Variants in EBF1 observed in about 807,000 individuals in gnomAD.
EBF1 encodes transcription factor COE1.
In EBF1, 10 loss-of-function variants were observed where a neutral mutation model predicts 68.4. That is an observed-to-expected ratio of 0.15 (90% CI 0.09 to 0.25). The LOEUF is 0.25. Among genes scored for constraint, EBF1 ranks in the 10% least tolerant of loss-of-function variants. The probability of loss-of-function intolerance (pLI) is 1.00; values close to 1 mark genes in which losing one functional copy is unlikely to be tolerated. For synonymous variants in EBF1, 298 were observed against 299.8 expected, an observed-to-expected ratio of 0.99 and a Z score of 0.06; for missense variants, 509 against 794.4, an observed-to-expected ratio of 0.64 and a Z score of 4.32.
intron 6 of EBF1, among the ~76,000 whole-genome samples, chr5:159,056,856 G>C (rs1206448191): frequency 1.3e-5 from 2 of 152,208 alleles, no homozygotes; most frequent in East Asian, 3.9e-4. Flanking sequence ...CTCATGGTAA[G>C]ACATCTGGAA....
At chr5:159,074,659 T>G (rs1045928411) in intron 5 of EBF1, among the ~76,000 whole-genome samples, 3 of 152,240 alleles carry the variant, frequency 2.0e-5, no homozygotes, top group Admixed American at 6.5e-5. Context: ...TTGGAAAGTC[T>G]CTTTTCTTGC....
chr5:158,763,447 C>T (rs191123210), intron 10 of EBF1, among the ~76,000 whole-genome samples: 13 of 152,324 alleles, frequency 8.5e-5, no homozygotes, highest in African/African-American at 3.1e-4. Context: ...ACTTCACCCA[C>T]AGTGAAAATG....
intron 6 of EBF1, among the ~76,000 whole-genome samples, chr5:159,021,247 T>C (rs746045000): frequency 6.6e-6 from 1 of 152,152 alleles, no homozygotes; most frequent in Non-Finnish European, 1.5e-5. Flanking sequence ...TAACACTTAA[T>C]AATGCTACCA....
chr5:158,785,734 A>G (rs1777297561), intron 9 of EBF1, among the ~76,000 whole-genome samples: 1 of 152,232 alleles, frequency 6.6e-6, no homozygotes, highest in South Asian at 2.1e-4. Flanking sequence ...GAGACTTTTG[A>G]AATTAAAGTC....
chr5:158,982,951 C>T (rs944307209), intron 6 of EBF1: 1 of 152,158 alleles, frequency 6.6e-6, no homozygotes, highest in Non-Finnish European at 1.5e-5. Flanking sequence ...TTTGTTACCT[C>T]ATAGGGCAAA....
chr5:158,701,853 A>G (rs1357566768), intron 15 of EBF1, among the ~76,000 whole-genome samples: 1 of 152,202 alleles, frequency 6.6e-6, no homozygotes, highest in Non-Finnish European at 1.5e-5. Flanking sequence ...TCATCAGCCG[A>G]CAGACTTCTC....
chr5:159,073,123 T>C (rs1007814601), intron 6 of EBF1, among the ~76,000 whole-genome samples: 1 of 152,196 alleles, frequency 6.6e-6, no homozygotes, highest in Non-Finnish European at 1.5e-5. Context: ...TGGCACAGCA[T>C]GAGGATTGAG....
chr5:158,714,908 T>C (rs1760297897), intron 11 of EBF1, among the ~76,000 whole-genome samples: 1 of 152,198 alleles, frequency 6.6e-6, no homozygotes, highest in Non-Finnish European at 1.5e-5. Context: ...CTCATTCCAG[T>C]TGAAGGAAAA....
intron 6 of EBF1, among the ~76,000 whole-genome samples, chr5:158,998,760 T>A (rs1312888824): frequency 1.3e-5 from 2 of 152,132 alleles, no homozygotes; most frequent in Non-Finnish European, 2.9e-5. Context: ...ATTATTAAAT[T>A]CAAAATGCCT....
intron 10 of EBF1, among the ~76,000 whole-genome samples, chr5:158,767,823 T>C (rs1230917802): frequency 2.0e-5 from 3 of 152,108 alleles, no homozygotes; most frequent in Admixed American, 6.6e-5. Context: ...TAGCAAGAAA[T>C]GCTGCTGGCC....
chr5:158,885,218 T>A (rs566757708), intron 6 of EBF1, among the ~76,000 whole-genome samples: 2 of 151,952 alleles, frequency 1.3e-5, no homozygotes, highest in Non-Finnish European at 2.9e-5. Context: ...TGGGAAGACA[T>A]GGAAAAGTTT....
chr5:159,017,018 A>G (rs1484129010), intron 6 of EBF1, among the ~76,000 whole-genome samples: 2 of 152,254 alleles, frequency 1.3e-5, no homozygotes, highest in Non-Finnish European at 2.9e-5. Flanking sequence ...CCACATTTTA[A>G]AAAGAGAAAA....
intron 9 of EBF1, among the ~76,000 whole-genome samples, chr5:158,793,972 CATG>C (rs1020258564): frequency 1.3e-5 from 2 of 152,206 alleles, no homozygotes; most frequent in Admixed American, 6.5e-5. Flanking sequence ...TCAGGACAAT[CATG>C]ATGATAACAG....
chr5:158,974,497 T>A (rs986453835), intron 6 of EBF1, among the ~76,000 whole-genome samples: 1 of 152,262 alleles, frequency 6.6e-6, no homozygotes, highest in South Asian at 2.1e-4. Context: ...AAATCCTCAT[T>A]GGAAACATAC....
intron 5 of EBF1, among the ~76,000 whole-genome samples, chr5:159,077,113 A>C (rs1452769989): frequency 6.6e-6 from 1 of 152,186 alleles, no homozygotes; most frequent in African/African-American, 2.4e-5. Flanking sequence ...ACTTCATTCA[A>C]GTCTCTGCAT....
chr5:159,072,324 G>GT (rs1777947618), intron 6 of EBF1, among the ~76,000 whole-genome samples: 1 of 152,168 alleles, frequency 6.6e-6, no homozygotes, highest in Admixed American at 6.5e-5. Context: ...CATAAATTAT[G>GT]TTGAAGCGAA....
intron 6 of EBF1, chr5:158,985,817 GC>G (rs1170431453): frequency 1.3e-5 from 2 of 152,304 alleles, no homozygotes; most frequent in Non-Finnish European, 2.9e-5. Flanking sequence ...AGGCAGTCCA[GC>G]TTCCTAACTC....
rs577193568 is a variant in EBF1, at chr5:159,006,358, C to G, written c.554+67038G>C. Among the ~76,000 whole-genome samples, 417 of 152,110 alleles carry G rather than the reference C, an allele frequency of 2.7e-3. 2 individuals carry two copies. The highest frequency in any genetic ancestry group is 9.5e-3 in the African/African-American group (395 of 41,492). The stretch of plus-strand genomic sequence containing the variant: ...GGGATGACACCATGAGTCCTTCACC[C>G]TTATCCCAGAGTGGTGGCCACTCTG... On this transcript the variant is annotated intron_variant, in intron 6 of 15. Transcript: ENST00000313708.
chr5:158,823,715 A>G lies in EBF1; in HGVS notation c.637-398T>C, dbSNP rs530341931. 2.6e-5 allele frequency among the ~76,000 whole-genome samples: 4 copies of G among 152,320 alleles called. No individual in the cohort carries two copies. The East Asian group carries it at 7.7e-4, about 29-fold the overall frequency. ...TAAAAATCTTTTGAATCTTTAAAATATTTCTCCCCACTGTGTCAGGGTTAA... is the reference window on the plus strand; with the variant it reads ...TAAAAATCTTTTGAATCTTTAAAATGTTTCTCCCCACTGTGTCAGGGTTAA... On this transcript the variant is annotated intron_variant, in intron 7 of 15. Coordinates refer to ENST00000313708, the MANE Select transcript of EBF1 (RefSeq NM_024007.5).
Sources: allele counts gnomAD v4.1 joint callset (sites outside exome capture counted in the v4.1 genomes callset), GRCh38; gene constraint gnomAD v4.1.1; transcripts MANE v1.5; gene names NCBI Gene and HGNC (gene_info 2026-07-23, HGNC 2026-07-21).